The following DPYD variants were observed in gnomAD, a reference collection of about 807,000 sequenced individuals.
The protein encoded by DPYD is dihydropyrimidine dehydrogenase [NADP(+)].
In DPYD, 109 loss-of-function variants were observed where a neutral mutation model predicts 116.2. That is an observed-to-expected ratio of 0.94 (90% CI 0.80 to 1.10). The LOEUF is 1.10. Among genes scored for constraint, DPYD ranks in the 50% least tolerant of loss-of-function variants. DPYD has a pLI of 0.00. For missense variants in DPYD, 1,302 were observed against 1,254.5 expected (o/e 1.04, Z -0.57); for synonymous variants, 440 against 432.0 (o/e 1.02, Z -0.23).
At chr1:97,737,889 T>C (rs1008868394) in intron 4 of DPYD, among the ~76,000 whole-genome samples, 1 of 152,186 alleles carries the variant, frequency 6.6e-6, no homozygotes, top group African/African-American at 2.4e-5. Context: ...TAACTTCCAG[T>C]TACTTTTAAT....
At chr1:97,184,805 C>T (rs1439869005) in intron 20 of DPYD, among the ~76,000 whole-genome samples, 5 of 152,008 alleles carry the variant, frequency 3.3e-5, no homozygotes, top group Non-Finnish European at 5.9e-5. Context: ...ATTTTCTATG[C>T]ACACAATCTT....
rs147215284 is a variant in DPYD, at chr1:97,844,575, C to T, written c.151-16379G>A. 2.2e-3 allele frequency among the ~76,000 whole-genome samples: 337 copies of T among 152,276 alleles called. 2 individuals carry two copies. The highest frequency in any genetic ancestry group is 7.7e-3 in the African/African-American group (320 of 41,558). On this transcript the variant is annotated intron_variant, in intron 2 of 22. Transcript: ENST00000370192. The stretch of plus-strand genomic sequence containing the variant: ...CATGTGGAGGTGCTGGTGATAACAG[C>T]GGTGGTCTATCTGGAGTGGCTGCTG...
intron 1 of DPYD, among the ~76,000 whole-genome samples, chr1:97,899,163 C>T (rs527467846): frequency 1.3e-5 from 2 of 151,436 alleles, no homozygotes; most frequent in South Asian, 4.2e-4. Context: ...TTTACATTAA[C>T]AGTGTGATTA....
intron 18 of DPYD, among the ~76,000 whole-genome samples, chr1:97,304,406 AC>A (rs1446411985): frequency 5.3e-5 from 8 of 151,976 alleles, no homozygotes; most frequent in African/African-American, 1.9e-4. Flanking sequence ...GCAGAATATA[AC>A]CGTTTTTGTT....
chr1:97,849,537 C>T (rs1360618096), intron 2 of DPYD, among the ~76,000 whole-genome samples: 6 of 151,672 alleles, frequency 4.0e-5, no homozygotes, highest in South Asian at 2.1e-4. Context: ...AACGGAAGCC[C>T]GGAGCTTAAA....
intron 14 of DPYD, among the ~76,000 whole-genome samples, chr1:97,409,133 C>A (rs767966726): frequency 4.6e-5 from 7 of 152,074 alleles, no homozygotes; most frequent in Non-Finnish European, 1.0e-4. Context: ...GTTCTGTCCT[C>A]TAGAGAACGC....
intron 12 of DPYD, among the ~76,000 whole-genome samples, chr1:97,540,696 C>G (rs1422315883): frequency 6.6e-6 from 1 of 152,214 alleles, no homozygotes; most frequent in East Asian, 1.9e-4. Context: ...TGTCAATCAA[C>G]TTAACCTTCA....
intron 3 of DPYD, among the ~76,000 whole-genome samples, chr1:97,763,983 C>T (rs992321323): frequency 9.9e-5 from 15 of 152,050 alleles, no homozygotes; most frequent in African/African-American, 3.6e-4. Flanking sequence ...TTTATTAATT[C>T]AGAATGAACA....
At chr1:97,106,995 C>A (rs1651210341) in intron 20 of DPYD, among the ~76,000 whole-genome samples, 1 of 152,052 alleles carries the variant, frequency 6.6e-6, no homozygotes. Flanking sequence ...CTCTGTTTCT[C>A]TGGAGAACTC....
At chr1:97,521,196 T>C (rs1231427482) in intron 12 of DPYD, among the ~76,000 whole-genome samples, 2 of 152,124 alleles carry the variant, frequency 1.3e-5, no homozygotes, top group Non-Finnish European at 2.9e-5. Flanking sequence ...TATCTCATTG[T>C]GGTTTTGATT....
At chr1:97,717,720 T>G (rs2101017418) in intron 5 of DPYD, among the ~76,000 whole-genome samples, 1 of 152,160 alleles carries the variant, frequency 6.6e-6, no homozygotes, top group South Asian at 2.1e-4. Flanking sequence ...CCTGAGTTAC[T>G]TCATTTAGAA....
intron 19 of DPYD, among the ~76,000 whole-genome samples, chr1:97,197,610 T>C (rs1484549612): frequency 2.6e-5 from 4 of 152,190 alleles, no homozygotes; most frequent in Non-Finnish European, 4.4e-5. Flanking sequence ...TCCTCAAACA[T>C]GGCACAATTT....
At chr1:97,614,841 G>A (rs1270860887) in intron 8 of DPYD, among the ~76,000 whole-genome samples, 1 of 152,070 alleles carries the variant, frequency 6.6e-6, no homozygotes, top group Non-Finnish European at 1.5e-5. Context: ...AATTCTTAGT[G>A]ACTAAAATCT....
chr1:97,534,998 G>A (rs1466075821), intron 12 of DPYD, among the ~76,000 whole-genome samples: 1 of 152,072 alleles, frequency 6.6e-6, no homozygotes, highest in Admixed American at 6.6e-5. Context: ...TTAAGTCCTT[G>A]AGCTGGGAAT....
intron 19 of DPYD, among the ~76,000 whole-genome samples, chr1:97,220,574 A>C (rs1031011439): frequency 7.2e-5 from 11 of 152,102 alleles, no homozygotes; most frequent in African/African-American, 2.7e-4. Flanking sequence ...TCTGCCTGGG[A>C]TATAGTGGGG....
intron 5 of DPYD, among the ~76,000 whole-genome samples, chr1:97,710,845 T>G (rs77627802): frequency 0.028 from 4,196 of 151,882 alleles, 72 homozygotes; most frequent in African/African-American, 0.052. Flanking sequence ...TTCACAAACG[T>G]TGCTCTCAGA....
chr1:97,416,431 C>G (rs1384791211), intron 14 of DPYD, among the ~76,000 whole-genome samples: 2 of 152,198 alleles, frequency 1.3e-5, no homozygotes, highest in Non-Finnish European at 2.9e-5. Context: ...GTTTTACTCT[C>G]TGATTTTCTT....
chr1:97,834,930 T>A (rs1479017091), intron 2 of DPYD, among the ~76,000 whole-genome samples: 1 of 152,044 alleles, frequency 6.6e-6, no homozygotes, highest in Non-Finnish European at 1.5e-5. Flanking sequence ...TAGATGAACA[T>A]TCTACTGTCA....
chr1:97,558,068 G>A (rs1368001723), intron 11 of DPYD, among the ~76,000 whole-genome samples: 2 of 152,126 alleles, frequency 1.3e-5, no homozygotes, highest in Non-Finnish European at 2.9e-5. Context: ...GGGGATCATG[G>A]GAATAACTAA....
Sources: allele counts gnomAD v4.1 joint callset (sites outside exome capture counted in the v4.1 genomes callset), GRCh38; gene constraint gnomAD v4.1.1; transcripts MANE v1.5; gene names NCBI Gene and HGNC (gene_info 2026-07-23, HGNC 2026-07-21).